The following AKAP13 variants were observed in gnomAD, a reference collection of about 807,000 sequenced individuals.
AKAP13 encodes the protein A-kinase anchoring protein 13, also known as A-kinase anchor protein 13.
A neutral mutation model predicts 264.5 loss-of-function variants in AKAP13; 80 were observed. The observed-to-expected ratio is 0.30, with a 90% CI of 0.25 to 0.36. The LOEUF (loss-of-function observed/expected upper bound fraction) is 0.36, where lower values mean the gene tolerates loss of function less well. AKAP13 is among the 10% of genes least tolerant of loss of function. AKAP13 has a pLI of 1.00. For synonymous variants in AKAP13, 1,380 were observed against 1,250.2 expected (o/e 1.10, Z -2.19); for missense variants, 3,712 against 3,435.2 (o/e 1.08, Z -2.01).
intron 13 of AKAP13, among the ~76,000 whole-genome samples, chr15:85,668,425 A>G (rs1164160488): frequency 3.3e-5 from 5 of 152,172 alleles, no homozygotes; most frequent in Admixed American, 3.3e-4. Context: ...TCTTTCAGGG[A>G]TGTTGTACCA....
At chr15:85,622,205 G>A (rs766955977) in intron 8 of AKAP13, among the ~76,000 whole-genome samples, 20 of 152,180 alleles carry the variant, frequency 1.3e-4, no homozygotes, top group African/African-American at 4.6e-4. Flanking sequence ...TAATTGATTT[G>A]AAAGAAATGA....
At chr15:85,668,804 G>A (rs1411377025) in intron 13 of AKAP13, among the ~76,000 whole-genome samples, 2 of 152,094 alleles carry the variant, frequency 1.3e-5, no homozygotes, top group African/African-American at 2.4e-5. Context: ...TTAGCTGGGC[G>A]TGGTGGTGCA....
At chr15:85,600,553 G>A (rs1250176844) in intron 8 of AKAP13, among the ~76,000 whole-genome samples, 1 of 152,174 alleles carries the variant, frequency 6.6e-6, no homozygotes, top group Non-Finnish European at 1.5e-5. Context: ...CATTTTTAAT[G>A]TAGTAGACAG....
chr15:85,583,929 A>G (rs1056169784), intron 7 of AKAP13, among the ~76,000 whole-genome samples: 1 of 152,280 alleles, frequency 6.6e-6, no homozygotes, highest in East Asian at 1.9e-4. Flanking sequence ...CCTGTTACCA[A>G]AAGGAGTCAT....
intron 33 of AKAP13, among the ~76,000 whole-genome samples, chr15:85,739,921 T>C (rs111614460): frequency 8.4e-4 from 128 of 152,354 alleles, no homozygotes; most frequent in African/African-American, 2.9e-3. Context: ...ATTTCTGTTC[T>C]GTTGCGTTGA....
chr15:85,658,255 T>C (rs376337624), intron 11 of AKAP13, among the ~76,000 whole-genome samples: 10 of 152,256 alleles, frequency 6.6e-5, no homozygotes, highest in East Asian at 5.8e-4. Flanking sequence ...AAGCTTTGAG[T>C]AGTAATTTTT....
intron 6 of AKAP13, chr15:85,577,939 C>A: frequency 1.8e-6 from 1 of 562,254 alleles, no homozygotes; most frequent in Non-Finnish European, 2.3e-6. Flanking sequence ...TTTGTTTTTA[C>A]TTGTATATAT....
In AKAP13 at chr15:85,723,406, A is replaced by G. The variant is rs2087411938; in HGVS notation, c.6745+86A>G. The G allele has an allele frequency of 2.6e-6, 4 of 1,550,450 alleles. No individual in the cohort carries two copies. The South Asian group carries it at 5.0e-5, about 19-fold the overall frequency. ...GCTTTTGTTGGAAATTCACTACCAG[A>G]TTTTTTTCCCAGAGAGCCCATCTCT... On this transcript the variant is annotated intron_variant, in intron 26 of 36. Coordinates refer to ENST00000394518, the MANE Select transcript of AKAP13 (RefSeq NM_007200.5).
At chr15:85,445,795 T>A (rs1251776311) in intron 1 of AKAP13, among the ~76,000 whole-genome samples, 1 of 152,182 alleles carries the variant, frequency 6.6e-6, no homozygotes, top group East Asian at 1.9e-4. Context: ...CTGTACTTGA[T>A]GCTTCTATTT....
chr15:85,543,610 T>A (rs1181111549), intron 4 of AKAP13, among the ~76,000 whole-genome samples, 162 bp from the exon 5 acceptor site: 2 of 152,234 alleles, frequency 1.3e-5, no homozygotes, highest in Non-Finnish European at 2.9e-5. Flanking sequence ...GAGGGCTGAT[T>A]CTACCTGGCC....
intron 2 of AKAP13, among the ~76,000 whole-genome samples, chr15:85,486,544 T>A (rs77146246): frequency 0.017 from 2,550 of 152,216 alleles, 86 homozygotes; most frequent in African/African-American, 0.058. Flanking sequence ...GGCATCCTTG[T>A]TGAAATTGAT....
At chr15:85,383,453 A>G (rs952810454) in intron 1 of AKAP13, among the ~76,000 whole-genome samples, 7 of 152,210 alleles carry the variant, frequency 4.6e-5, no homozygotes, top group African/African-American at 1.2e-4. Context: ...GTAGGCAGCT[A>G]TTACCTAGTA....
At chr15:85,607,120 G>A (rs1369566643) in intron 8 of AKAP13, among the ~76,000 whole-genome samples, 2 of 131,584 alleles carry the variant, frequency 1.5e-5, no homozygotes, top group African/African-American at 5.8e-5. Context: ...GTTCTATCTT[G>A]GCTTTTAAAG....
At position 85,664,712 on chromosome 15, in the gene AKAP13, A is replaced by T; in HGVS notation, c.4949A>T (p.Asp1650Val). The part of the protein sequence containing the change: ...VDSLVSLSEE[D>V]LESDQREHRM... ...TCTTTGGTGTCACTTTCAGAAGAGG[A>T]TCTGGAGTCAGACCAGAGAGAACAT... The change falls in exon 13 of 37, where the codon GAT (aspartate) becomes GTT (valine). Residue 1650 changes from aspartate to valine, a missense_variant. Asp to Val is a radical substitution (Grantham distance 152, BLOSUM62 -3). Coordinates refer to ENST00000394518, the MANE Select transcript of AKAP13 (RefSeq NM_007200.5). 1 of 1,614,106 alleles carries T rather than the reference A, an allele frequency of 6.2e-7. No homozygotes were observed.
chr15:85,579,403 G>T lies in AKAP13; in HGVS notation c.1335G>T (p.Val445=). 1 of 1,614,142 alleles carries T rather than the reference G, an allele frequency of 6.2e-7. No homozygotes were observed. The highest frequency in any genetic ancestry group is 8.5e-7 in the Non-Finnish European group (1 of 1,179,964). The change falls in exon 7 of 37, where the codon GTG becomes GTT. Residue 445 remains valine (V), a synonymous_variant. Coordinates refer to ENST00000394518, the MANE Select transcript of AKAP13 (RefSeq NM_007200.5). ...AGTCCCTGAGCAGTGGAGATGCTGT[G>T]CTTCAGAGAGACTTGGTCATGGAGC... ...DQESLSSGDA[V]LQRDLVMEPG...
At chr15:85,409,756 G>A (rs923189341) in intron 1 of AKAP13, among the ~76,000 whole-genome samples, 10 of 149,854 alleles carry the variant, frequency 6.7e-5, no homozygotes, top group African/African-American at 2.5e-4. Flanking sequence ...TCAGCCTCCC[G>A]AGTAGCTGGG....
intron 8 of AKAP13, among the ~76,000 whole-genome samples, chr15:85,626,746 G>C (rs1342849713): frequency 6.6e-6 from 1 of 151,946 alleles, no homozygotes; most frequent in Non-Finnish European, 1.5e-5. Flanking sequence ...GCAGTTCTTT[G>C]CATGTATACC....
intron 5 of AKAP13, among the ~76,000 whole-genome samples, chr15:85,559,717 G>A (rs2078290721): frequency 7.7e-6 from 1 of 129,418 alleles, no homozygotes; most frequent in Non-Finnish European, 1.6e-5. Context: ...CCGACAGGAG[G>A]CGGAATTCAG....
At chr15:85,498,017 G>A (rs1248915907) in intron 2 of AKAP13, among the ~76,000 whole-genome samples, 1 of 151,958 alleles carries the variant, frequency 6.6e-6, no homozygotes, top group Admixed American at 6.6e-5. Flanking sequence ...TTGTCTGGTA[G>A]AATGACTGAA....
Sources: allele counts gnomAD v4.1 joint callset (sites outside exome capture counted in the v4.1 genomes callset), GRCh38; gene constraint gnomAD v4.1.1; transcripts MANE v1.5; gene names NCBI Gene and HGNC (gene_info 2026-07-23, HGNC 2026-07-21).